Variants in ABCA12 observed in about 807,000 individuals in gnomAD.
ABCA12 encodes the protein glucosylceramide transporter ABCA12.
Under a neutral mutation model 293.5 loss-of-function variants are expected in ABCA12, and 156 were observed. That is an observed-to-expected ratio of 0.53 (90% CI 0.47 to 0.61). ABCA12 has a LOEUF of 0.61. Among genes scored for constraint, ABCA12 ranks in the 20% least tolerant of loss-of-function variants. The pLI is 0.00. For synonymous variants in ABCA12, 1,063 were observed against 1,108.0 expected, an observed-to-expected ratio of 0.96 and a Z score of 0.81; for missense variants, 2,797 against 3,090.2, an observed-to-expected ratio of 0.91 and a Z score of 2.25.
At chr2:215,125,618 A>T (rs1702905480) in intron 1 of ABCA12, among the ~76,000 whole-genome samples, 1 of 151,914 alleles carries the variant, frequency 6.6e-6, no homozygotes, top group Admixed American at 6.6e-5. Context: ...TGGTGTAGAG[A>T]AGAGCTACTG....
At chr2:214,935,018 G>A (rs772467241) in intron 51 of ABCA12, among the ~76,000 whole-genome samples, 1 of 152,172 alleles carries the variant, frequency 6.6e-6, no homozygotes, top group South Asian at 2.1e-4. Context: ...GCTGATACTA[G>A]TTTGATTAGG....
intron 14 of ABCA12, chr2:215,017,807 A>G: frequency 1.6e-6 from 1 of 641,570 alleles, no homozygotes. Context: ...AATAAAGAGA[A>G]AAGGGACACA....
chr2:214,945,026 A>G lies in ABCA12; in HGVS notation c.7318T>C (p.Cys2440Arg). The G allele has an allele frequency of 1.9e-6, 3 of 1,613,660 alleles. No individual in the cohort carries two copies. The highest frequency in any genetic ancestry group is 1.7e-4 in the Middle Eastern group (1 of 6,044). The change falls in exon 49 of 53, where the codon TGT (cysteine) becomes CGT (arginine). Residue 2440 changes from cysteine to arginine, a missense_variant. By Grantham distance (180) the Cys-to-Arg change is radical. Coordinates refer to ENST00000272895, the MANE Select transcript of ABCA12 (RefSeq NM_173076.3). ...CTGTGAGATGTGAGGATGACGGAAC[A>G]TTTGTTCTGTACTTCTTCTGAAATG... ...KIISEEVQNK[C>R]SVILTSHSME...
In ABCA12 at chr2:215,049,789, GA is replaced by G. The variant is rs1701282121; in HGVS notation, c.529del (p.Ser177GlnfsTer26). ...ACATAGTTCTCTTCGTATATCTTCTGAAGTTGAATTTTGCTTTAACAGCTAA... is the reference window on the plus strand; with the variant it reads ...ACATAGTTCTCTTCGTATATCTTCTGAGTTGAATTTTGCTTTAACAGCTAA... ...LEKLLKQNSTSEDIRRELCDS... is the reference protein window; with the variant it reads ...LEKLLKQNSTXEDIRRELCDS... On this transcript the variant is annotated frameshift_variant, in exon 6 of 53. Coordinates refer to ENST00000272895, the MANE Select transcript of ABCA12 (RefSeq NM_173076.3). LOFTEE classifies it high-confidence loss of function. 1 of 1,612,998 alleles carries G rather than the reference GA, an allele frequency of 6.2e-7. No individual in the cohort carries two copies. Among genetic ancestry groups the G allele is most frequent in the Non-Finnish European group, 8.5e-7 (1 of 1,179,596 alleles).
chr2:214,948,850 A>T, intron 46 of ABCA12, 113 bp from the exon 47 acceptor site: 1 of 1,331,344 alleles, frequency 7.5e-7, no homozygotes, highest in South Asian at 1.2e-5. Context: ...GACTTTGATA[A>T]AAAGGGATAA....
intron 9 of ABCA12, 152 bp downstream of exon 9, chr2:215,031,669 A>G: frequency 1.2e-6 from 1 of 838,908 alleles, no homozygotes; most frequent in Non-Finnish European, 1.9e-6. Flanking sequence ...CAACTTTACT[A>G]CACTTGGACT....
chr2:215,099,967 C>T (rs1368673528), intron 2 of ABCA12, among the ~76,000 whole-genome samples: 1 of 151,466 alleles, frequency 6.6e-6, no homozygotes, highest in African/African-American at 2.4e-5. Flanking sequence ...GACTCCTAGT[C>T]TAGTATTCAA....
intron 11 of ABCA12, 33 bp downstream of exon 11, chr2:215,025,640 G>GTTTTTTTTTTTTTTTTTTTT: frequency 1.6e-6 from 2 of 1,222,564 alleles, no homozygotes; most frequent in East Asian, 2.6e-5. Context: ...TTTTTTTTTT[G>GTTTTTTTTTTTTTTTTTTTT]TTTTTTGTTT....
intron 2 of ABCA12, among the ~76,000 whole-genome samples, chr2:215,106,189 A>C (rs535626262): frequency 6.6e-5 from 10 of 152,320 alleles, no homozygotes; most frequent in South Asian, 2.1e-4. Flanking sequence ...GGCTCTTTCA[A>C]CATTAAGACT....
chr2:215,084,149 TTTTG>T (rs1478566434), intron 2 of ABCA12, among the ~76,000 whole-genome samples: 1 of 152,012 alleles, frequency 6.6e-6, no homozygotes, highest in Admixed American at 6.6e-5. Context: ...GGCCAAATTT[TTTTG>T]TTTGTTTTGT....
Position 214,948,625 on chromosome 2 carries a change from G to A in ABCA12, c.7075C>T (p.His2359Tyr). ...TTAATATCCTTTTCTGGAATTCCAT[G>A]TACCCTGGCATAGAAATACAAATGT... ...EEHLYFYARV[H>Y]GIPEKDIKET... The change falls in exon 47 of 53, where the codon CAT (histidine) becomes TAT (tyrosine). Residue 2359 changes from histidine (H) to tyrosine (Y), a missense_variant. His to Tyr is a moderately conservative substitution (Grantham distance 83). Around this residue, in one of 3 missense-constraint regions of ABCA12, gnomAD observed 2,130 missense variants for 2,427.0 expected, o/e 0.88. Coordinates refer to ENST00000272895, the MANE Select transcript of ABCA12 (RefSeq NM_173076.3). 1 of 1,613,986 alleles carries A rather than the reference G, an allele frequency of 6.2e-7. No homozygotes were observed. The highest frequency in any genetic ancestry group is 8.5e-7 in the Non-Finnish European group (1 of 1,179,938).
intron 3 of ABCA12, among the ~76,000 whole-genome samples, chr2:215,058,990 C>T (rs1039055635): frequency 3.9e-5 from 6 of 151,980 alleles, no homozygotes; most frequent in South Asian, 2.1e-4. Flanking sequence ...GAGTAGGAAA[C>T]GTCACTACCT....
chr2:215,040,136 A>G (rs1386018302), intron 7 of ABCA12, among the ~76,000 whole-genome samples: 3 of 152,330 alleles, frequency 2.0e-5, no homozygotes, highest in Admixed American at 6.5e-5. Flanking sequence ...CCTTAGGCAC[A>G]CTAGCACATT....
In ABCA12 at chr2:215,019,739, T is replaced by A; in HGVS notation, c.1345A>T (p.Ile449Leu). 1.2e-6 allele frequency: 2 copies of A among 1,614,100 alleles called. No homozygotes were observed. Among genetic ancestry groups the A allele is most frequent in the South Asian group, 2.2e-5 (2 of 91,084 alleles). ...TCAGAGAGCTGGCATGACTTCTCTA[T>A]CAAACTGAAAGTTTCAGATTCACAA... ...LLCESETFSL[I>L]EKSCQLSDMS... The change falls in exon 12 of 53, where the codon ATA becomes TTA. Residue 449 changes from isoleucine to leucine, a missense_variant. By Grantham distance (5) the Ile-to-Leu change is conservative (BLOSUM62 2). Coordinates refer to ENST00000272895, the MANE Select transcript of ABCA12 (RefSeq NM_173076.3).
chr2:215,130,892 T>C (rs1462130023), intron 1 of ABCA12, among the ~76,000 whole-genome samples: 1 of 152,054 alleles, frequency 6.6e-6, no homozygotes, highest in East Asian at 1.9e-4. Flanking sequence ...TATATGACTG[T>C]TATTATTTTG....
intron 33 of ABCA12, 148 bp from the exon 34 acceptor site, chr2:214,976,185 C>G: frequency 8.7e-7 from 1 of 1,146,278 alleles, no homozygotes; most frequent in Non-Finnish European, 1.3e-6. Context: ...TGTTATTTCT[C>G]AGCCTTAGCC....
In ABCA12 at chr2:214,971,821, A is replaced by T. The variant is rs376281618; in HGVS notation, c.5563-1421T>A. Among the ~76,000 whole-genome samples, 10 of 152,310 alleles carry T rather than the reference A, an allele frequency of 6.6e-5. No individual in the cohort carries two copies. The East Asian group carries it at 9.6e-4, about 15-fold the overall frequency. On this transcript the variant is annotated intron_variant, in intron 36 of 52. Coordinates refer to ENST00000272895, the MANE Select transcript of ABCA12 (RefSeq NM_173076.3). ...AGATATGCAAATTTTTACCATTGGG[A>T]TATATTGCCAAGTAGTTTTAAAAAC... is the stretch of plus-strand genomic sequence containing the variant.
chr2:215,084,849 T>G (rs1391245440), intron 2 of ABCA12, among the ~76,000 whole-genome samples: 1 of 152,132 alleles, frequency 6.6e-6, no homozygotes, highest in African/African-American at 2.4e-5. Context: ...ATCCCAGCAC[T>G]TTTGGAGGCC....
chr2:215,112,721 C>T (rs1702603167), intron 1 of ABCA12, among the ~76,000 whole-genome samples: 1 of 152,012 alleles, frequency 6.6e-6, no homozygotes, highest in Admixed American at 6.6e-5. Context: ...TGGTCTTGAA[C>T]TCCTGACCTT....
Sources: allele counts gnomAD v4.1 joint callset (sites outside exome capture counted in the v4.1 genomes callset), GRCh38; gene constraint gnomAD v4.1.1; regional missense constraint gnomAD v4.1.1; transcripts MANE v1.5; gene names NCBI Gene and HGNC (gene_info 2026-07-23, HGNC 2026-07-21).